Variants in ROBO1 observed in about 807,000 individuals in gnomAD.
The protein encoded by ROBO1 is roundabout homolog 1.
Under a neutral mutation model 195.9 loss-of-function variants are expected in ROBO1, and 149 were observed. That is an observed-to-expected ratio of 0.76 (90% confidence interval 0.67 to 0.87). The LOEUF is 0.87. Among genes scored for constraint, ROBO1 ranks in the 40% least tolerant of loss-of-function variants. The probability of loss-of-function intolerance (pLI) is 0.00; values close to 1 mark genes in which losing one functional copy is unlikely to be tolerated. For synonymous variants in ROBO1, 816 were observed against 733.2 expected, an observed-to-expected ratio of 1.11 and a Z score of -1.82; for missense variants, 1,933 against 2,068.3, an observed-to-expected ratio of 0.93 and a Z score of 1.27.
chr3:79,433,074 T>C (rs2038744521), intron 2 of ROBO1, among the ~76,000 whole-genome samples: 1 of 152,202 alleles, frequency 6.6e-6, no homozygotes, highest in Non-Finnish European at 1.5e-5. Flanking sequence ...GTATGTTACA[T>C]AGTTAAATGG....
At chr3:79,181,684 C>G (rs2081342361) in intron 2 of ROBO1, among the ~76,000 whole-genome samples, 1 of 151,908 alleles carries the variant, frequency 6.6e-6, no homozygotes, top group Non-Finnish European at 1.5e-5. Flanking sequence ...TATTTCATCT[C>G]TTATTATCAC....
chr3:79,384,545 C>T (rs529022756), intron 2 of ROBO1, among the ~76,000 whole-genome samples: 5 of 151,930 alleles, frequency 3.3e-5, no homozygotes, highest in East Asian at 1.9e-4. Context: ...TCCTATAAGG[C>T]GATGAACAGA....
intron 4 of ROBO1, among the ~76,000 whole-genome samples, chr3:78,806,158 G>A (rs1056612066): frequency 1.3e-5 from 2 of 151,670 alleles, no homozygotes; most frequent in Admixed American, 1.3e-4. Flanking sequence ...TTTTTTTTAA[G>A]AGACAGGGTC....
chr3:79,735,708 A>T (rs1294321515), intron 1 of ROBO1, among the ~76,000 whole-genome samples: 1 of 152,080 alleles, frequency 6.6e-6, no homozygotes, highest in Non-Finnish European at 1.5e-5. Context: ...GTCTCTACTA[A>T]AAATCCAGAA....
At chr3:79,408,023 C>T (rs911074885) in intron 2 of ROBO1, among the ~76,000 whole-genome samples, 3 of 151,692 alleles carry the variant, frequency 2.0e-5, no homozygotes, top group East Asian at 1.9e-4. Flanking sequence ...TTTTTTAATT[C>T]GATTAAATGT....
intron 2 of ROBO1, among the ~76,000 whole-genome samples, chr3:79,126,341 A>G (rs1038647470): frequency 1.3e-5 from 2 of 152,080 alleles, no homozygotes; most frequent in African/African-American, 4.8e-5. Flanking sequence ...CTTAAATTGC[A>G]CATTAATTTT....
In ROBO1 at chr3:79,186,253, CCTT is replaced by C. The variant is rs552023550; in HGVS notation, c.89-60717_89-60715del. On this transcript the variant is annotated intron_variant, in intron 2 of 30. Transcript: ENST00000464233. ...ATTACACATACATATGTTCAACTGTCCTTCTTTAATCAATGAATCCGGTTCTTC... is the reference window on the plus strand; with the variant it reads ...ATTACACATACATATGTTCAACTGTCCTTTAATCAATGAATCCGGTTCTTC... 1.8e-3 allele frequency among the ~76,000 whole-genome samples: 270 copies of C among 151,240 alleles called. 1 individual carries two copies. Among genetic ancestry groups the C allele is most frequent in the African/African-American group, 6.4e-3 (260 of 40,668 alleles).
In ROBO1 at chr3:79,670,627, G is replaced by A. The variant is rs538772299; in HGVS notation, c.-50-80666C>T. Among the ~76,000 whole-genome samples, 10 of 151,840 alleles carry A rather than the reference G, an allele frequency of 6.6e-5. No individual in the cohort carries two copies. The East Asian group carries it at 1.8e-3, about 27-fold the overall frequency. On this transcript the variant is annotated intron_variant, in intron 1 of 30. Coordinates refer to ENST00000464233, the MANE Select transcript of ROBO1 (RefSeq NM_002941.4). ...TATTTGAAAAAAGCACATTGAAATGGCACACATTCACTTAATAACGTTAAC... is the reference window on the plus strand; with the variant it reads ...TATTTGAAAAAAGCACATTGAAATGACACACATTCACTTAATAACGTTAAC...
intron 2 of ROBO1, among the ~76,000 whole-genome samples, chr3:79,417,194 T>C (rs1285604678): frequency 6.6e-6 from 1 of 152,144 alleles, no homozygotes; most frequent in Non-Finnish European, 1.5e-5. Context: ...TAAGTCTAGA[T>C]TGTAAAAGAC....
intron 27 of ROBO1, among the ~76,000 whole-genome samples, chr3:78,615,445 G>A (rs1704058331): frequency 6.6e-6 from 1 of 152,236 alleles, no homozygotes; most frequent in Non-Finnish European, 1.5e-5. Flanking sequence ...TTTTTTGGTG[G>A]TGGAAGAGGT....
At chr3:78,981,973 A>G (rs1238785784) in intron 3 of ROBO1, among the ~76,000 whole-genome samples, 2 of 152,138 alleles carry the variant, frequency 1.3e-5, no homozygotes, top group East Asian at 1.9e-4. Context: ...GAAAAAGACT[A>G]AAAGTTGTTG....
chr3:79,298,535 A>C (rs1226567891), intron 2 of ROBO1, among the ~76,000 whole-genome samples: 3 of 152,084 alleles, frequency 2.0e-5, no homozygotes, highest in African/African-American at 7.2e-5. Flanking sequence ...TAGTAATGAA[A>C]TATTACTTTA....
At chr3:78,870,502 T>C (rs2035481809) in intron 4 of ROBO1, among the ~76,000 whole-genome samples, 1 of 152,186 alleles carries the variant, frequency 6.6e-6, no homozygotes, top group Non-Finnish European at 1.5e-5. Context: ...AAGCATTCTC[T>C]TGCATTGCCT....
chr3:79,514,053 C>A (rs1940838194), intron 2 of ROBO1, among the ~76,000 whole-genome samples: 1 of 152,146 alleles, frequency 6.6e-6, no homozygotes, highest in African/African-American at 2.4e-5. Flanking sequence ...CTTCTATGAT[C>A]CCAACACACT....
At chr3:79,656,987 A>T (rs574146979) in intron 1 of ROBO1, among the ~76,000 whole-genome samples, 1 of 152,250 alleles carries the variant, frequency 6.6e-6, no homozygotes, top group African/African-American at 2.4e-5. Flanking sequence ...TGTCCATTAC[A>T]TGATCAAACT....
chr3:78,717,439 G>A (rs1473765224), intron 6 of ROBO1, 26 bp from the exon 7 acceptor site: 2 of 1,608,140 alleles, frequency 1.2e-6, no homozygotes, highest in Non-Finnish European at 1.7e-6. Context: ...GTCATCTTAA[G>A]GTAAAATTTT....
At chr3:79,064,215 T>C (rs1471918274) in intron 3 of ROBO1, among the ~76,000 whole-genome samples, 2 of 151,980 alleles carry the variant, frequency 1.3e-5, no homozygotes, top group African/African-American at 4.8e-5. Context: ...ATATATACAG[T>C]TATTATATGC....
chr3:78,837,123 C>A (rs139086308), intron 4 of ROBO1, among the ~76,000 whole-genome samples: 1 of 152,032 alleles, frequency 6.6e-6, no homozygotes, highest in African/African-American at 2.4e-5. Flanking sequence ...AAATGACATA[C>A]GATAATTAAA....
chr3:79,366,729 A>C lies in ROBO1; in HGVS notation c.88+223095T>G, dbSNP rs1326269770. ...GAGAGTTCCAGGGTCACATTTGCCAATGATGTTTGCCGAGTTTTCAATCCT... is the reference window on the plus strand; with the variant it reads ...GAGAGTTCCAGGGTCACATTTGCCACTGATGTTTGCCGAGTTTTCAATCCT... On this transcript the variant is annotated intron_variant, in intron 2 of 30. Transcript: ENST00000464233. 2.6e-5 allele frequency among the ~76,000 whole-genome samples: 4 copies of C among 152,162 alleles called. No homozygotes were observed. The South Asian group carries it at 8.3e-4, about 32-fold the overall frequency.
Sources: gnomAD v4.1 joint callset for allele counts (sites outside exome capture counted in the v4.1 genomes callset) on GRCh38, gnomAD v4.1.1 for gene constraint, MANE v1.5 for transcripts, NCBI Gene and HGNC (gene_info 2026-07-23, HGNC 2026-07-21) for gene names.